COL4A1: variants seen among roughly 807,000 people sequenced by gnomAD.
COL4A1 encodes collagen alpha-1(IV) chain.
COL4A1 carries 40 observed loss-of-function variants against 216.6 expected under a neutral mutation model. The ratio of observed to expected loss-of-function variants is 0.18; its 90% CI spans 0.14 to 0.24. COL4A1 has a LOEUF of 0.24. Among genes scored for constraint, COL4A1 ranks in the 10% least tolerant of loss-of-function variants. COL4A1 has a pLI of 1.00. For synonymous variants in COL4A1, 839 were observed against 810.7 expected, an observed-to-expected ratio of 1.03 and a Z score of -0.59; for missense variants, 1,628 against 2,196.8, an observed-to-expected ratio of 0.74 and a Z score of 5.18.
At chr13:110,201,357 G>GGAGGAAGAGAAGGAGGGGGAT in intron 19 of COL4A1, 81 bp downstream of exon 19, 1 of 1,017,436 alleles carries the variant, frequency 9.8e-7, no homozygotes, top group South Asian at 1.4e-5. Context: ...AGGAGGAGGA[G>GGAGGAAGAGAAGGAGGGGGAT]GAAGAGGACG....
At chr13:110,157,823 C>CAGGG (rs1876858462) in intron 49 of COL4A1, among the ~76,000 whole-genome samples, 1 of 152,092 alleles carries the variant, frequency 6.6e-6, no homozygotes, top group African/African-American at 2.4e-5. Context: ...GCTCAAAGAC[C>CAGGG]AGGGGTGTTT....
chr13:110,179,365 A>G lies in COL4A1; in HGVS notation c.2250T>C (p.Ile750=), dbSNP rs926212653. 6.2e-7 allele frequency: 1 copy of G among 1,614,020 alleles called. No individual in the cohort carries two copies. ...TCCCCTTCTCCCCGGGTGTGCCAGGAATGCCGGGAAGACCTGGCAAACCTT... is the reference window on the plus strand; with the variant it reads ...TCCCCTTCTCCCCGGGTGTGCCAGGGATGCCGGGAAGACCTGGCAAACCTT... ...GLKGLPGLPG[I]PGTPGEKGSI... The change falls in exon 30 of 52, where the codon ATT becomes ATC. Residue 750 remains isoleucine, a synonymous_variant. Transcript: ENST00000375820.
In COL4A1 at chr13:110,212,558, C is replaced by T. The variant is rs770236988; in HGVS notation, c.324+16G>A. The T allele has an allele frequency of 3.8e-5, 62 of 1,614,024 alleles. No homozygotes were observed. Among genetic ancestry groups the T allele is most frequent in the South Asian group, 1.9e-4 (17 of 91,086 alleles). ...AATATTTCATAAAAGAAGTAGAGCA[C>T]GTTTTCTATACATACGGGAAGTCCT... is the stretch of plus-strand genomic sequence containing the variant. On this transcript the variant is annotated intron_variant, in intron 5 of 51. Coordinates refer to ENST00000375820, the MANE Select transcript of COL4A1 (RefSeq NM_001845.6).
intron 1 of COL4A1, among the ~76,000 whole-genome samples, chr13:110,252,745 TACATATAATTATATGTATGTATCATATAA>T (rs950460642): frequency 7.3e-5 from 5 of 68,666 alleles, no homozygotes; most frequent in African/African-American, 2.6e-4. Context: ...GTATGTATTA[TACATATAATTATATGTATGTATCATATAA>T]ACATATAATT....
chr13:110,276,301 G>A (rs1423865157), intron 1 of COL4A1, among the ~76,000 whole-genome samples: 5 of 152,264 alleles, frequency 3.3e-5, no homozygotes, highest in East Asian at 3.9e-4. Context: ...ACAGAGCTTC[G>A]TAAAACATCT....
intron 2 of COL4A1, among the ~76,000 whole-genome samples, chr13:110,225,228 C>T (rs1880682942): frequency 6.6e-6 from 1 of 152,174 alleles, no homozygotes; most frequent in African/African-American, 2.4e-5. Context: ...GACTGGCATT[C>T]CCTCTCGTTC....
At chr13:110,275,179 C>T (rs1413519538) in intron 1 of COL4A1, among the ~76,000 whole-genome samples, 1 of 152,096 alleles carries the variant, frequency 6.6e-6, no homozygotes, top group Non-Finnish European at 1.5e-5. Context: ...GGACTGTTAT[C>T]CAAAATATAC....
intron 18 of COL4A1, among the ~76,000 whole-genome samples, chr13:110,202,556 T>C (rs1879297856): frequency 6.6e-6 from 1 of 152,182 alleles, no homozygotes; most frequent in Non-Finnish European, 1.5e-5. Context: ...AACCCTTCAA[T>C]GTAAATCTAT....
intron 2 of COL4A1, 77 bp from the exon 3 acceptor site, chr13:110,214,092 G>T: frequency 8.8e-7 from 1 of 1,137,906 alleles, no homozygotes; most frequent in South Asian, 1.2e-5. Flanking sequence ...AACTGTGATG[G>T]CTATATATAT....
chr13:110,178,791 G>A (rs879562929), intron 31 of COL4A1, 132 bp downstream of exon 31: 12 of 717,072 alleles, frequency 1.7e-5, no homozygotes, highest in Admixed American at 1.0e-4. Flanking sequence ...TCACAAACTC[G>A]AGTTTTATTT....
intron 51 of COL4A1, 39 bp downstream of exon 51, chr13:110,152,294 AG>A: frequency 6.2e-7 from 1 of 1,612,876 alleles, no homozygotes; most frequent in Non-Finnish European, 8.5e-7. Flanking sequence ...AAAGTCACAA[AG>A]GGGCCAGCAG....
Position 110,211,552 on chromosome 13 carries a change from G to C in COL4A1, c.468+95C>G, listed in dbSNP as rs1879795460. On this transcript the variant is annotated intron_variant, in intron 8 of 51. Transcript: ENST00000375820. The surrounding 1 kb of genome is among the most constrained non-coding windows in gnomAD (Gnocchi z 4.3). ...AAGTGTGTTCAGAAACAATCGATCAGCCAAAGTGGTTTAAAGAGAATGTGC... is the reference window on the plus strand; with the variant it reads ...AAGTGTGTTCAGAAACAATCGATCACCCAAAGTGGTTTAAAGAGAATGTGC... The C allele has an allele frequency of 8.2e-7, 1 of 1,225,086 alleles. No homozygotes were observed. The highest frequency in any genetic ancestry group is 1.2e-6 in the Non-Finnish European group (1 of 856,618). The allele number at this position is 1,225,086 out of a possible 1,614,324, so 75.9% of individuals were successfully genotyped here.
In COL4A1 at chr13:110,178,096, T is replaced by C. The variant is rs776874008; in HGVS notation, c.2594A>G (p.Gln865Arg). Reference protein sequence around the residue: ...GQSGLPGLPGQQGAPGIPGFP... With the variant: ...GQSGLPGLPGRQGAPGIPGFP... ...CCCAGGAATCCCAGGAGCCCCCTGC[T>C]GTCCAGGAAGGCCAGGGAGCCCCGA... Residue 865 changes from glutamine (Q) to arginine (R), a missense_variant, in exon 32 of 52, where the codon CAG becomes CGG. Coordinates refer to ENST00000375820, the MANE Select transcript of COL4A1 (RefSeq NM_001845.6). The C allele has an allele frequency of 6.8e-6, 11 of 1,614,164 alleles. No individual in the cohort carries two copies. The highest frequency in any genetic ancestry group is 6.8e-6 in the Non-Finnish European group (8 of 1,180,020).
chr13:110,167,889 G>A (rs1191496144), intron 43 of COL4A1, among the ~76,000 whole-genome samples: 2 of 152,008 alleles, frequency 1.3e-5, no homozygotes, highest in East Asian at 1.9e-4. Context: ...TATTTTAAAA[G>A]TGTCAAACCA....
intron 1 of COL4A1, among the ~76,000 whole-genome samples, chr13:110,305,413 T>C (rs182193784): frequency 6.6e-5 from 10 of 152,374 alleles, no homozygotes; most frequent in Admixed American, 5.2e-4. Flanking sequence ...AAGCCAGCTC[T>C]TACAGTTAGC....
At chr13:110,272,855 G>A (rs776949753) in intron 1 of COL4A1, among the ~76,000 whole-genome samples, 9 of 152,270 alleles carry the variant, frequency 5.9e-5, no homozygotes, top group African/African-American at 1.2e-4. Flanking sequence ...CAGAACGTCC[G>A]ACCCTTCACC....
chr13:110,265,968 C>T (rs1228399537), intron 1 of COL4A1: 2 of 152,162 alleles, frequency 1.3e-5, no homozygotes, highest in Non-Finnish European at 2.9e-5. Context: ...GTGAGGGCTC[C>T]CAGCTCAACC....
At chr13:110,255,094 G>A (rs964346471) in intron 1 of COL4A1, among the ~76,000 whole-genome samples, 17 of 152,218 alleles carry the variant, frequency 1.1e-4, no homozygotes, top group South Asian at 4.1e-4. Flanking sequence ...GGAGGTCTGT[G>A]TGCCAGCAGA....
intron 24 of COL4A1, among the ~76,000 whole-genome samples, 183 bp from the exon 25 acceptor site, chr13:110,187,512 C>G (rs1202994879): frequency 6.6e-6 from 1 of 152,182 alleles, no homozygotes; most frequent in African/African-American, 2.4e-5. Flanking sequence ...TGGTCTGCTG[C>G]ACTTCTTGTG....
Sources: gnomAD v4.1 joint callset for allele counts (sites outside exome capture counted in the v4.1 genomes callset) on GRCh38, gnomAD v4.1.1 for gene constraint, Gnocchi (gnomAD v3.1) non-coding constraint, MANE v1.5 for transcripts, NCBI Gene and HGNC (gene_info 2026-07-23, HGNC 2026-07-21) for gene names.